The following MSRB3 variants were observed in gnomAD, a reference collection of about 807,000 sequenced individuals.
The protein encoded by MSRB3 is methionine sulfoxide reductase B3.
In MSRB3, 13 loss-of-function variants were observed where a neutral mutation model predicts 21.0. The observed-to-expected ratio is 0.62, with a 90% CI of 0.40 to 0.98. MSRB3 has a LOEUF of 0.98. Ranked by LOEUF, MSRB3 falls within the 50% of genes least tolerant of loss-of-function variation. The pLI is 0.00. For synonymous variants in MSRB3, 87 were observed against 88.6 expected (o/e 0.98, Z 0.10); for missense variants, 199 against 230.3 (o/e 0.86, Z 0.88).
chr12:65,398,398 TA>T (rs1879933637), intron 5 of MSRB3, among the ~76,000 whole-genome samples: 1 of 152,248 alleles, frequency 6.6e-6, no homozygotes, highest in East Asian at 1.9e-4. Flanking sequence ...GTTGGCCGCA[TA>T]AATGTCTTCT....
At chr12:65,353,384 A>G (rs1877162024) in intron 4 of MSRB3, among the ~76,000 whole-genome samples, 1 of 152,062 alleles carries the variant, frequency 6.6e-6, no homozygotes, top group Non-Finnish European at 1.5e-5. Flanking sequence ...GTCTCTAAAG[A>G]CTTGCTTTAT....
intron 1 of MSRB3, chr12:65,284,917 C>T (rs368767527): frequency 1.1e-3 from 170 of 152,274 alleles, no homozygotes; most frequent in African/African-American, 4.0e-3. Context: ...CTTAACCCTC[C>T]CTCAGTGGCT....
intron 5 of MSRB3, among the ~76,000 whole-genome samples, chr12:65,416,907 T>C (rs1471660994): frequency 6.6e-6 from 1 of 152,204 alleles, no homozygotes; most frequent in Non-Finnish European, 1.5e-5. Flanking sequence ...CTTTCTATTT[T>C]GGCCCTGCTT....
At chr12:65,336,234 T>C (rs1448081688) in intron 4 of MSRB3, among the ~76,000 whole-genome samples, 1 of 152,122 alleles carries the variant, frequency 6.6e-6, no homozygotes. Context: ...AGCATGACTT[T>C]AGAAGAAAGA....
At chr12:65,319,210 T>C (rs994116058) in intron 2 of MSRB3, among the ~76,000 whole-genome samples, 2 of 152,184 alleles carry the variant, frequency 1.3e-5, no homozygotes, top group Admixed American at 1.3e-4. Flanking sequence ...AATTTCTCCC[T>C]TTTCAAATCT....
intron 1 of MSRB3, among the ~76,000 whole-genome samples, chr12:65,290,182 T>C (rs1483322896): frequency 2.6e-5 from 4 of 152,168 alleles, no homozygotes; most frequent in Admixed American, 1.3e-4. Context: ...CTTACAGATA[T>C]GTGCTATGTG....
rs79247240 is a variant in MSRB3, at chr12:65,390,016, A to G, written c.292+20990A>G. 9.9e-5 allele frequency among the ~76,000 whole-genome samples: 15 copies of G among 152,278 alleles called. No individual in the cohort carries two copies. In the South Asian group the frequency reaches 1.7e-3, roughly 17 times the overall value. On this transcript the variant is annotated intron_variant, in intron 5 of 6. Transcript: ENST00000308259. Reference sequence around the variant, plus strand: ...CTATTTCATAGAGAAATTTAACACTATGAAGCTTGAGCTTTTCTTTCCTGA... The same window carrying G: ...CTATTTCATAGAGAAATTTAACACTGTGAAGCTTGAGCTTTTCTTTCCTGA...
At chr12:65,361,945 A>G (rs1877732706) in intron 4 of MSRB3, among the ~76,000 whole-genome samples, 1 of 152,114 alleles carries the variant, frequency 6.6e-6, no homozygotes, top group Admixed American at 6.6e-5. Context: ...ATTAATGGGC[A>G]CCTTTTATTT....
chr12:65,333,828 A>G (rs1875585078), intron 4 of MSRB3, among the ~76,000 whole-genome samples: 1 of 152,234 alleles, frequency 6.6e-6, no homozygotes, highest in African/African-American at 2.4e-5. Flanking sequence ...TGGCAAAGCC[A>G]TACCTTAGTC....
intron 4 of MSRB3, among the ~76,000 whole-genome samples, chr12:65,332,405 C>G (rs982468135): frequency 4.0e-5 from 6 of 151,816 alleles, no homozygotes; most frequent in African/African-American, 1.5e-4. Flanking sequence ...ATGAGAAATA[C>G]TAGTGGGAGG....
intron 5 of MSRB3, among the ~76,000 whole-genome samples, chr12:65,427,528 T>C (rs1419220112): frequency 6.6e-6 from 1 of 152,184 alleles, no homozygotes; most frequent in Non-Finnish European, 1.5e-5. Context: ...GGCACTGGAT[T>C]TGGCTTGCAG....
At chr12:65,357,409 T>A (rs927443097) in intron 4 of MSRB3, among the ~76,000 whole-genome samples, 2 of 151,956 alleles carry the variant, frequency 1.3e-5, no homozygotes, top group African/African-American at 4.8e-5. Context: ...GTTTTCTATT[T>A]ACAGAAAAAT....
chr12:65,320,802 T>C (rs1436207104), intron 2 of MSRB3, among the ~76,000 whole-genome samples: 1 of 152,224 alleles, frequency 6.6e-6, no homozygotes, highest in Non-Finnish European at 1.5e-5. Flanking sequence ...GTTGTAAATT[T>C]CCTGGTTTAA....
At chr12:65,343,253 G>A (rs1315483824) in intron 4 of MSRB3, among the ~76,000 whole-genome samples, 1 of 152,052 alleles carries the variant, frequency 6.6e-6, no homozygotes, top group Non-Finnish European at 1.5e-5. Flanking sequence ...TTTGCCCACT[G>A]CCATCTCTTC....
At chr12:65,349,587 T>G (rs935392244) in intron 4 of MSRB3, among the ~76,000 whole-genome samples, 5 of 147,604 alleles carry the variant, frequency 3.4e-5, no homozygotes, top group East Asian at 3.9e-4. Context: ...CCTGACTTTT[T>G]AATGATTGCC....
intron 4 of MSRB3, among the ~76,000 whole-genome samples, chr12:65,345,690 C>T (rs898932146): frequency 2.0e-5 from 3 of 152,102 alleles, no homozygotes; most frequent in African/African-American, 7.2e-5. Context: ...AGTAACTCAT[C>T]ATTTAACATT....
At chr12:65,350,446 A>C (rs913557614) in intron 4 of MSRB3, among the ~76,000 whole-genome samples, 1 of 151,664 alleles carries the variant, frequency 6.6e-6, no homozygotes, top group African/African-American at 2.4e-5. Flanking sequence ...GACAGGATCA[A>C]ATTCACACGT....
intron 4 of MSRB3, among the ~76,000 whole-genome samples, chr12:65,354,600 A>G (rs1592557806): frequency 6.6e-6 from 1 of 151,788 alleles, no homozygotes; most frequent in East Asian, 1.9e-4. Context: ...ACTTCTCGGC[A>G]TTGGTTATTC....
chr12:65,395,555 T>G (rs897325613), intron 5 of MSRB3, among the ~76,000 whole-genome samples: 8 of 152,142 alleles, frequency 5.3e-5, no homozygotes, highest in South Asian at 2.1e-4. Context: ...AAATCAATTG[T>G]ATTTCTGGAA....
Sources: allele counts gnomAD v4.1 joint callset (sites outside exome capture counted in the v4.1 genomes callset), GRCh38; gene constraint gnomAD v4.1.1; transcripts MANE v1.5; gene names NCBI Gene and HGNC (gene_info 2026-07-23, HGNC 2026-07-21).